The following CREBRF variants were observed in gnomAD, a reference collection of about 807,000 sequenced individuals.
The protein encoded by CREBRF is CREB3 regulatory factor, also known as UPF0474 protein C5orf41.
Under a neutral mutation model 66.1 loss-of-function variants are expected in CREBRF, and 5 were observed. That is an observed-to-expected ratio of 0.08 (90% CI 0.04 to 0.16). The LOEUF (loss-of-function observed/expected upper bound fraction) is 0.16. Among genes scored for constraint, CREBRF ranks in the 10% least tolerant of loss-of-function variants. The pLI, the probability that CREBRF is intolerant of heterozygous loss-of-function variation, is 1.00. For synonymous variants in CREBRF, 229 were observed against 264.4 expected, an observed-to-expected ratio of 0.87 and a Z score of 1.30; for missense variants, 531 against 744.9, an observed-to-expected ratio of 0.71 and a Z score of 3.34.
intron 7 of CREBRF, among the ~76,000 whole-genome samples, chr5:173,122,221 C>T (rs545874333): frequency 7.2e-5 from 11 of 152,308 alleles, no homozygotes; most frequent in East Asian, 3.9e-4. Flanking sequence ...CCTGCCTCAG[C>T]CTCTGGAATA....
intron 8 of CREBRF, chr5:173,123,466 T>C (rs955756906): frequency 3.0e-6 from 1 of 328,032 alleles, no homozygotes; most frequent in Middle Eastern, 9.1e-4. Flanking sequence ...TAACCTTTCA[T>C]GGAGGACAAA....
chr5:173,111,035 A>G (rs1758857765), intron 6 of CREBRF, among the ~76,000 whole-genome samples: 1 of 152,134 alleles, frequency 6.6e-6, no homozygotes, highest in Non-Finnish European at 1.5e-5. Context: ...ATACCTTTTA[A>G]TGTATACTTT....
intron 4 of CREBRF, among the ~76,000 whole-genome samples, chr5:173,106,589 T>C (rs1484546863): frequency 6.6e-6 from 1 of 152,224 alleles, no homozygotes; most frequent in Non-Finnish European, 1.5e-5. Flanking sequence ...ATTGATTCTT[T>C]TTTTTAAAGT....
intron 7 of CREBRF, among the ~76,000 whole-genome samples, chr5:173,118,503 T>C (rs1414231619): frequency 6.6e-6 from 1 of 152,158 alleles, no homozygotes; most frequent in Non-Finnish European, 1.5e-5. Flanking sequence ...CTTATGATCT[T>C]TTTTAGGTCA....
chr5:173,097,381 A>G (rs571053809), intron 4 of CREBRF, among the ~76,000 whole-genome samples: 1 of 152,126 alleles, frequency 6.6e-6, no homozygotes, highest in East Asian at 1.9e-4. Flanking sequence ...AGCAGTTGGG[A>G]CTACAGGCAC....
At chr5:173,117,176 C>T (rs1378394980) in intron 7 of CREBRF, among the ~76,000 whole-genome samples, 1 of 151,860 alleles carries the variant, frequency 6.6e-6, no homozygotes. Context: ...GTCAGGAGTT[C>T]GAGACCAGCC....
chr5:173,121,936 A>G (rs897512571), intron 7 of CREBRF, among the ~76,000 whole-genome samples: 4 of 151,894 alleles, frequency 2.6e-5, no homozygotes, highest in Admixed American at 1.3e-4. Flanking sequence ...TCACCATCCT[A>G]GTGCAACTGC....
intron 7 of CREBRF, among the ~76,000 whole-genome samples, chr5:173,113,767 G>A (rs778380433): frequency 3.5e-4 from 53 of 152,160 alleles, no homozygotes; most frequent in Non-Finnish European, 6.8e-4. Flanking sequence ...GCTCATGGGA[G>A]GAGGTCCCCA....
rs146782259 is a variant in CREBRF at position 173,086,572 on chromosome 5, G to A, written c.81G>A (p.Leu27=). ...FRSHTFSEQT[L]MSTDLLANSS... ...GCCACACCTTTTCGGAACAAACTCT[G>A]ATGAGCACAGATCTCTTAGCAAACA... Residue 27 remains leucine, a synonymous_variant, in exon 3 of 9, where the codon CTG becomes CTA. Transcript: ENST00000296953. 3.1e-6 allele frequency: 5 copies of A among 1,613,852 alleles called. No individual in the cohort carries two copies. Among genetic ancestry groups the A allele is most frequent in the Non-Finnish European group, 4.2e-6 (5 of 1,179,912 alleles).
At position 173,062,903 on chromosome 5, in the gene CREBRF, A is replaced by G. The variant is rs113107100; in HGVS notation, c.-192+6424A>G. 3.3e-3 allele frequency among the ~76,000 whole-genome samples: 497 copies of G among 151,530 alleles called. 2 individuals are homozygous for G. Among genetic ancestry groups the G allele is most frequent in the African/African-American group, 0.011 (460 of 41,342 alleles). The stretch of plus-strand genomic sequence containing the variant: ...GCTGGGACTACAGGCGCCCGCCACT[A>G]CGCCCGGCTAATTTTTTGTATTTTT... On this transcript the variant is annotated intron_variant, in intron 1 of 8. Transcript: ENST00000296953.
intron 1 of CREBRF, among the ~76,000 whole-genome samples, chr5:173,064,891 T>TAG (rs898831740): frequency 5.7e-4 from 86 of 151,908 alleles, no homozygotes; most frequent in African/African-American, 1.9e-3. Flanking sequence ...AAATTATTTG[T>TAG]AGAGAGAGAG....
In CREBRF at chr5:173,091,104, G is replaced by A; in HGVS notation, c.925G>A (p.Gly309Arg). The change falls in exon 4 of 9, where the codon GGG (glycine) becomes AGG (arginine). Residue 309 changes from glycine to arginine, a missense_variant. Physicochemically the swap from Gly to Arg is moderately radical, Grantham distance 125. Coordinates refer to ENST00000296953, the MANE Select transcript of CREBRF (RefSeq NM_153607.3). ...LLSPLPQEGPGSLAAGESSSL... is the reference protein window; with the variant it reads ...LLSPLPQEGPRSLAAGESSSL... Reference sequence around the variant, plus strand: ...AAGTCCCCTGCCCCAGGAAGGTCCTGGGTCACTTGCAGCAGGAGAGAGCAG... The same window carrying A: ...AAGTCCCCTGCCCCAGGAAGGTCCTAGGTCACTTGCAGCAGGAGAGAGCAG... 6.2e-7 allele frequency: 1 copy of A among 1,614,178 alleles called. No homozygotes were observed. Among genetic ancestry groups the A allele is most frequent in the Non-Finnish European group, 8.5e-7 (1 of 1,180,026 alleles).
rs377113857 is a variant in CREBRF at position 173,138,292 on chromosome 5, G to A, written c.*4547G>A. On this transcript the variant is annotated 3_prime_UTR_variant, in exon 9 of 9. Coordinates refer to ENST00000296953, the MANE Select transcript of CREBRF (RefSeq NM_153607.3). ...TGTCAACTGTAGGAATGGTGGTTTC[G>A]TTTTAAGGAATAAGCATGTTGGGGA... 7 of 152,218 alleles carry A rather than the reference G, an allele frequency of 4.6e-5. No individual in the cohort carries two copies. Among genetic ancestry groups the A allele is most frequent in the South Asian group, 2.1e-4 (1 of 4,822 alleles). The allele number at this position is 152,218 out of a possible 1,614,324, so 9.4% of individuals were successfully genotyped here.
chr5:173,082,003 G>GTTTTTTTTT (rs869148787), intron 2 of CREBRF, among the ~76,000 whole-genome samples: 3 of 78,046 alleles, frequency 3.8e-5, no homozygotes, highest in African/African-American at 9.8e-5. Flanking sequence ...TCAAGGTTTA[G>GTTTTTTTTT]TTTTTTTTTT....
intron 4 of CREBRF, among the ~76,000 whole-genome samples, chr5:173,096,085 C>T (rs1312501183): frequency 2.0e-5 from 3 of 152,156 alleles, no homozygotes; most frequent in Non-Finnish European, 2.9e-5. Context: ...TCTCCTGCCT[C>T]AGCCTCCTGA....
chr5:173,056,493 C>G lies in CREBRF; in HGVS notation c.-192+14C>G, dbSNP rs1757043885. 1 of 398,250 alleles carries G rather than the reference C, an allele frequency of 2.5e-6. No individual in the cohort carries two copies. The highest frequency in any genetic ancestry group is 2.1e-5 in the African/African-American group (1 of 48,624). The allele number at this position is 398,250 out of a possible 1,614,324, so 24.7% of individuals were successfully genotyped here. A position where few individuals can be genotyped will look rare whatever the true frequency, so the allele number is the denominator to read the frequency against. ...CTACACCCACAGGTGAGCGCCGCCACCCGCTGCTCGGAACCCCCAGGGGCC... is the reference window on the plus strand; with the variant it reads ...CTACACCCACAGGTGAGCGCCGCCAGCCGCTGCTCGGAACCCCCAGGGGCC... On this transcript the variant is annotated intron_variant, in intron 1 of 8. Transcript: ENST00000296953.
In CREBRF at chr5:173,112,368, A is replaced by G. The variant is rs764710057; in HGVS notation, c.1670A>G (p.Asn557Ser). The change falls in exon 7 of 9, where the codon AAC (asparagine) becomes AGC (serine). Residue 557 changes from asparagine (N) to serine (S), a missense_variant. Asn to Ser is a conservative substitution (Grantham distance 46). This residue lies in a region of CREBRF where 64 missense variants were observed against 111.3 expected (regional missense o/e 0.58). Coordinates refer to ENST00000296953, the MANE Select transcript of CREBRF (RefSeq NM_153607.3). ...EANKVKLWGL[N>S]TEYDNLLFVI... Reference sequence around the variant, plus strand: ...AATAAAGTGAAATTATGGGGCCTCAACACAGAATATGGTAAACCTAAAGTT... The same window carrying G: ...AATAAAGTGAAATTATGGGGCCTCAGCACAGAATATGGTAAACCTAAAGTT... 2 of 1,596,324 alleles carry G rather than the reference A, an allele frequency of 1.3e-6. No homozygotes were observed. Among genetic ancestry groups the G allele is most frequent in the South Asian group, 2.3e-5 (2 of 88,784 alleles).
At chr5:173,108,551 G>A in intron 4 of CREBRF, 73 bp from the exon 5 acceptor site, 4 of 973,276 alleles carry the variant, frequency 4.1e-6, no homozygotes, top group Non-Finnish European at 5.6e-6. Flanking sequence ...ACAAATAGAA[G>A]GGGTCTTTTC....
At chr5:173,131,599 C>G (rs1316067772) in intron 8 of CREBRF, among the ~76,000 whole-genome samples, 11 of 152,070 alleles carry the variant, frequency 7.2e-5, no homozygotes, top group Non-Finnish European at 4.4e-5. Flanking sequence ...CATCATACAA[C>G]CTTTTCATTC....
Sources: allele counts gnomAD v4.1 joint callset (sites outside exome capture counted in the v4.1 genomes callset), GRCh38; gene constraint gnomAD v4.1.1; regional missense constraint gnomAD v4.1.1; transcripts MANE v1.5; gene names NCBI Gene and HGNC (gene_info 2026-07-23, HGNC 2026-07-21).